The following ROBO1 variants were observed in gnomAD, a reference collection of about 807,000 sequenced individuals.
The protein encoded by ROBO1 is roundabout homolog 1.
A neutral mutation model predicts 195.9 loss-of-function variants in ROBO1; 149 were observed. That is an observed-to-expected ratio of 0.76 (90% CI 0.67 to 0.87). ROBO1 has a LOEUF of 0.87. ROBO1 is among the 40% of genes least tolerant of loss of function. The pLI is 0.00. For missense variants in ROBO1, 1,933 were observed against 2,068.3 expected, an observed-to-expected ratio of 0.93 and a Z score of 1.27; for synonymous variants, 816 against 733.2, an observed-to-expected ratio of 1.11 and a Z score of -1.82.
rs770084183 is a variant in ROBO1, at chr3:78,662,001, G to A, written c.2080C>T (p.His694Tyr). 6.2e-7 allele frequency: 1 copy of A among 1,608,012 alleles called. No individual in the cohort carries two copies. Among genetic ancestry groups the A allele is most frequent in the South Asian group, 1.1e-5 (1 of 89,340 alleles). Reference protein sequence around the residue: ...TVLSSSSIEVHWTVDQQSQYI... With the variant: ...TVLSSSSIEVYWTVDQQSQYI... ...ATATTGTAACAACTCACTGTCCAGT[G>A]CACTTCGATGGAAGAGGAAGAAAGG... The change falls in exon 15 of 31, where the codon CAC (histidine) becomes TAC (tyrosine). Residue 694 changes from histidine (H) to tyrosine (Y), a missense_variant. His to Tyr is a moderately conservative substitution (Grantham distance 83). Around this residue, in one of 3 missense-constraint regions of ROBO1, gnomAD observed 1,737 missense variants for 1,882.5 expected, o/e 0.92. Transcript: ENST00000464233.
chr3:78,679,392 G>C (rs1190061934), intron 10 of ROBO1, among the ~76,000 whole-genome samples: 2 of 152,170 alleles, frequency 1.3e-5, no homozygotes, highest in Non-Finnish European at 2.9e-5. Flanking sequence ...AATTGTCCCT[G>C]TTTGCAGATG....
chr3:78,992,594 T>A (rs1215693696), intron 3 of ROBO1, among the ~76,000 whole-genome samples: 2 of 152,194 alleles, frequency 1.3e-5, no homozygotes, highest in African/African-American at 2.4e-5. Context: ...ACTTACTGTT[T>A]AAAACAGTGT....
intron 1 of ROBO1, among the ~76,000 whole-genome samples, chr3:79,651,056 T>A (rs980628446): frequency 1.3e-5 from 2 of 152,092 alleles, no homozygotes; most frequent in African/African-American, 2.4e-5. Context: ...ATGTAGTCTA[T>A]AAATGGGAAG....
intron 1 of ROBO1, among the ~76,000 whole-genome samples, chr3:79,722,273 C>G (rs185429149): frequency 6.6e-6 from 1 of 152,254 alleles, no homozygotes; most frequent in East Asian, 1.9e-4. Flanking sequence ...TATCAATTGA[C>G]CTCTCATACA....
intron 4 of ROBO1, among the ~76,000 whole-genome samples, chr3:78,861,338 T>C (rs1394439027): frequency 1.3e-5 from 2 of 152,144 alleles, no homozygotes; most frequent in Non-Finnish European, 2.9e-5. Flanking sequence ...CCTCTTTCCA[T>C]GTCTACCGGC....
intron 4 of ROBO1, among the ~76,000 whole-genome samples, chr3:78,856,258 C>A (rs1329503486): frequency 2.4e-5 from 3 of 123,014 alleles, no homozygotes; most frequent in African/African-American, 9.1e-5. Context: ...TTGAGAGGTA[C>A]ATTTAACCTA....
chr3:79,239,852 A>T (rs1294916260), intron 2 of ROBO1, among the ~76,000 whole-genome samples: 3 of 152,310 alleles, frequency 2.0e-5, no homozygotes, highest in Middle Eastern at 3.4e-3. Context: ...ACATGAGTGT[A>T]TGTGCCCACA....
chr3:78,631,001 G>T (rs1309310881), intron 25 of ROBO1, among the ~76,000 whole-genome samples, 160 bp downstream of exon 25: 1 of 152,160 alleles, frequency 6.6e-6, no homozygotes, highest in Non-Finnish European at 1.5e-5. Context: ...GCAGCAAGGA[G>T]AATTTTTACT....
At chr3:79,112,406 C>A (rs756259869) in intron 3 of ROBO1, among the ~76,000 whole-genome samples, 1 of 152,100 alleles carries the variant, frequency 6.6e-6, no homozygotes, top group African/African-American at 2.4e-5. Context: ...GAAATCAGTC[C>A]TTGATTTCAG....
chr3:78,692,700 T>C (rs1575948127), intron 8 of ROBO1, among the ~76,000 whole-genome samples: 1 of 152,218 alleles, frequency 6.6e-6, no homozygotes, highest in African/African-American at 2.4e-5. Context: ...TATGAAATGA[T>C]TGGACCTTCC....
Position 78,636,216 on chromosome 3 carries a change from C to T in ROBO1, c.3038-108G>A, listed in dbSNP as rs865945355. The T allele has an allele frequency of 5.9e-5, 43 of 730,904 alleles. No homozygotes were observed. The Middle Eastern group carries it at 1.2e-3, about 20-fold the overall frequency. The allele number at this position is 730,904 out of a possible 1,614,324, so 45.3% of individuals were successfully genotyped here. A position where few individuals can be genotyped will look rare whatever the true frequency, so the allele number is the denominator to read the frequency against. ...CATCAGAAAATCGTTATGTAAAGTA[C>T]AAGTGGGCTTAAATAAGATCAATAA... On this transcript the variant is annotated intron_variant, in intron 22 of 30. Coordinates refer to ENST00000464233, the MANE Select transcript of ROBO1 (RefSeq NM_002941.4).
chr3:78,875,120 G>T (rs1396538925), intron 4 of ROBO1, among the ~76,000 whole-genome samples: 3 of 151,958 alleles, frequency 2.0e-5, no homozygotes, highest in Non-Finnish European at 4.4e-5. Flanking sequence ...ACTTGGAAAT[G>T]AAATTTTTTA....
intron 3 of ROBO1, among the ~76,000 whole-genome samples, chr3:79,033,141 T>C (rs534068532): frequency 3.9e-4 from 60 of 152,210 alleles, no homozygotes; most frequent in African/African-American, 1.4e-3. Flanking sequence ...ACTCATTAAT[T>C]CAAGATAATA....
chr3:78,767,486 G>A (rs1036612285), intron 4 of ROBO1, among the ~76,000 whole-genome samples: 4 of 151,518 alleles, frequency 2.6e-5, no homozygotes, highest in Admixed American at 6.6e-5. Context: ...GGCTGGTCTC[G>A]AACTCCTGGC....
chr3:79,249,765 C>T (rs2082686152), intron 2 of ROBO1, among the ~76,000 whole-genome samples: 1 of 152,112 alleles, frequency 6.6e-6, no homozygotes, highest in Admixed American at 6.6e-5. Context: ...ATTACGTGGA[C>T]ATAGACGTAT....
chr3:79,485,079 T>C (rs370327378), intron 2 of ROBO1, among the ~76,000 whole-genome samples: 5 of 152,116 alleles, frequency 3.3e-5, no homozygotes, highest in Admixed American at 2.6e-4. Flanking sequence ...GAAAAGACTC[T>C]GAAATCTTTC....
chr3:79,145,360 T>TACACAC (rs1319650356), intron 2 of ROBO1, among the ~76,000 whole-genome samples: 1 of 22,106 alleles, frequency 4.5e-5, no homozygotes, highest in African/African-American at 1.9e-4. Flanking sequence ...ATGCCAGAAA[T>TACACAC]ACACACACAC....
intron 4 of ROBO1, among the ~76,000 whole-genome samples, chr3:78,872,793 A>T (rs2107162962): frequency 6.6e-6 from 1 of 152,286 alleles, no homozygotes; most frequent in East Asian, 1.9e-4. Context: ...TTAATTCAAT[A>T]GCTTGAGTAT....
chr3:79,213,975 AC>A (rs1361488423), intron 2 of ROBO1, among the ~76,000 whole-genome samples: 1 of 151,410 alleles, frequency 6.6e-6, no homozygotes, highest in Non-Finnish European at 1.5e-5. Flanking sequence ...ACGGGTGCGC[AC>A]CACCACGCCC....
Sources: gnomAD v4.1 joint callset for allele counts (sites outside exome capture counted in the v4.1 genomes callset) on GRCh38, gnomAD v4.1.1 for gene constraint, gnomAD v4.1.1 regional missense constraint, MANE v1.5 for transcripts, NCBI Gene and HGNC (gene_info 2026-07-23, HGNC 2026-07-21) for gene names.